Variants in ARHGAP26 observed in about 807,000 individuals in gnomAD.
ARHGAP26 encodes the protein rho GTPase-activating protein 26.
Under a neutral mutation model 104.8 loss-of-function variants are expected in ARHGAP26, and 38 were observed. That is an observed-to-expected ratio of 0.36 (90% CI 0.28 to 0.48). The LOEUF (loss-of-function observed/expected upper bound fraction) is 0.48. Ranked by LOEUF, ARHGAP26 falls within the 20% of genes least tolerant of loss-of-function variation. The pLI is 0.99. For missense variants in ARHGAP26, 704 were observed against 947.9 expected (o/e 0.74, Z 3.38); for synonymous variants, 341 against 340.0 (o/e 1.00, Z -0.03).
chr5:143,012,574 T>TACATATATATATATATATATACAC (rs1420404412), intron 11 of ARHGAP26, among the ~76,000 whole-genome samples: 1 of 87,924 alleles, frequency 1.1e-5, no homozygotes, highest in Non-Finnish European at 2.8e-5. Context: ...TATATATATA[T>TACATATATATATATATATATACAC]ATTATGATCA....
chr5:142,828,821 T>G (rs1476327618), intron 1 of ARHGAP26, among the ~76,000 whole-genome samples: 1 of 152,090 alleles, frequency 6.6e-6, no homozygotes, highest in Non-Finnish European at 1.5e-5. Flanking sequence ...GTGGCCCAAA[T>G]CTGGTTTTTG....
At chr5:143,189,608 G>A (rs1805629897) in intron 20 of ARHGAP26, among the ~76,000 whole-genome samples, 1 of 152,016 alleles carries the variant, frequency 6.6e-6, no homozygotes, top group African/African-American at 2.4e-5. Context: ...TTATCAAAAA[G>A]CATGTACTTC....
chr5:143,074,490 A>G (rs1386096993), intron 17 of ARHGAP26, among the ~76,000 whole-genome samples: 1 of 152,214 alleles, frequency 6.6e-6, no homozygotes, highest in African/African-American at 2.4e-5. Flanking sequence ...TTTTCTTAAC[A>G]TTTTAAAATA....
intron 6 of ARHGAP26, among the ~76,000 whole-genome samples, chr5:142,897,794 A>G (rs974192741): frequency 2.9e-4 from 44 of 152,354 alleles, no homozygotes; most frequent in African/African-American, 9.9e-4. Context: ...ATTGAAACAA[A>G]TAAGTTTCTT....
chr5:143,088,821 A>G (rs1790979886), intron 17 of ARHGAP26, among the ~76,000 whole-genome samples: 1 of 152,326 alleles, frequency 6.6e-6, no homozygotes, highest in Non-Finnish European at 1.5e-5. Context: ...TACAAGCTAA[A>G]CAAATTCCGA....
chr5:143,184,969 T>G (rs1228786282), intron 20 of ARHGAP26, among the ~76,000 whole-genome samples: 1 of 152,164 alleles, frequency 6.6e-6, no homozygotes, highest in Non-Finnish European at 1.5e-5. Flanking sequence ...TCAGAAGGAA[T>G]TAATGAGAGG....
chr5:142,782,559 A>T (rs1757730040), intron 1 of ARHGAP26, among the ~76,000 whole-genome samples: 1 of 152,174 alleles, frequency 6.6e-6, no homozygotes. Flanking sequence ...GGAGTGAGAG[A>T]AGAGAGTGGA....
At chr5:143,075,078 A>T (rs1788797417) in intron 17 of ARHGAP26, among the ~76,000 whole-genome samples, 1 of 152,268 alleles carries the variant, frequency 6.6e-6, no homozygotes, top group Admixed American at 6.5e-5. Context: ...AAGGCTAGAT[A>T]GCCTAAAGCT....
intron 17 of ARHGAP26, among the ~76,000 whole-genome samples, chr5:143,109,769 C>T (rs1430242141): frequency 6.6e-6 from 1 of 152,136 alleles, no homozygotes; most frequent in East Asian, 1.9e-4. Flanking sequence ...TGTTAAGCAA[C>T]CTATGGAATT....
chr5:143,073,043 T>C (rs1562372133), intron 17 of ARHGAP26, among the ~76,000 whole-genome samples: 1 of 152,138 alleles, frequency 6.6e-6, no homozygotes, highest in Non-Finnish European at 1.5e-5. Flanking sequence ...AAAAATAAAA[T>C]TTAAAGAAGA....
intron 11 of ARHGAP26, among the ~76,000 whole-genome samples, chr5:142,983,798 T>C (rs546025578): frequency 3.3e-5 from 5 of 152,364 alleles, no homozygotes; most frequent in African/African-American, 1.2e-4. Flanking sequence ...TATGTGTTTA[T>C]ATATATCTAG....
intron 17 of ARHGAP26, among the ~76,000 whole-genome samples, chr5:143,114,486 T>G (rs1350871733): frequency 1.3e-5 from 2 of 152,152 alleles, no homozygotes; most frequent in Non-Finnish European, 2.9e-5. Context: ...AGAACCAAAT[T>G]AACAGCCCTG....
At chr5:142,800,929 C>G (rs1423323652) in intron 1 of ARHGAP26, among the ~76,000 whole-genome samples, 1 of 152,162 alleles carries the variant, frequency 6.6e-6, no homozygotes, top group Non-Finnish European at 1.5e-5. Flanking sequence ...AAGAAGGTAT[C>G]TAAACCTCCA....
intron 20 of ARHGAP26, among the ~76,000 whole-genome samples, chr5:143,205,492 A>T (rs113709160): frequency 0.017 from 2,589 of 152,300 alleles, 33 homozygotes; most frequent in Middle Eastern, 0.075. Flanking sequence ...CTGTATTGTC[A>T]TTTTCCCTTG....
At chr5:142,913,075 A>G (rs1266977212) in intron 9 of ARHGAP26, 124 bp from the exon 10 acceptor site, 9 of 837,158 alleles carry the variant, frequency 1.1e-5, no homozygotes, top group Non-Finnish European at 1.8e-5. Context: ...TCCACTGCCC[A>G]TGGTCATGAG....
intron 11 of ARHGAP26, among the ~76,000 whole-genome samples, chr5:142,939,775 G>A (rs189195190): frequency 5.9e-5 from 9 of 152,318 alleles, no homozygotes; most frequent in Non-Finnish European, 1.2e-4. Context: ...TTCCTCACCT[G>A]CAAATTGTGA....
intron 17 of ARHGAP26, among the ~76,000 whole-genome samples, chr5:143,102,394 G>A (rs715366): frequency 6.6e-6 from 1 of 152,000 alleles, no homozygotes; most frequent in Non-Finnish European, 1.5e-5. Flanking sequence ...CCTCAGTGTC[G>A]GCCCCAAACA....
intron 11 of ARHGAP26, among the ~76,000 whole-genome samples, chr5:143,004,166 G>C (rs192077666): frequency 1.9e-3 from 288 of 152,262 alleles, no homozygotes; most frequent in African/African-American, 6.7e-3. Flanking sequence ...TATGGCTGCT[G>C]GGATTGGCCA....
At chr5:143,180,038 A>G (rs549775910) in intron 20 of ARHGAP26, among the ~76,000 whole-genome samples, 2 of 152,274 alleles carry the variant, frequency 1.3e-5, no homozygotes, top group Non-Finnish European at 2.9e-5. Context: ...TTTTCTGGAC[A>G]TCTCTCTGTC....
Sources: gnomAD v4.1 joint callset for allele counts (sites outside exome capture counted in the v4.1 genomes callset) on GRCh38, gnomAD v4.1.1 for gene constraint, MANE v1.5 for transcripts, NCBI Gene and HGNC (gene_info 2026-07-23, HGNC 2026-07-21) for gene names.